The following EPHA3 variants were observed in gnomAD, a reference collection of about 807,000 sequenced individuals.
EPHA3 encodes the protein EPH receptor A3, also known as ephrin type-A receptor 3.
Under a neutral mutation model 107.1 loss-of-function variants are expected in EPHA3, and 42 were observed. That is an observed-to-expected ratio of 0.39 (90% CI 0.31 to 0.51). EPHA3 has a LOEUF of 0.51. Ranked by LOEUF, EPHA3 falls within the 20% of genes least tolerant of loss-of-function variation. The probability of loss-of-function intolerance (pLI) is 0.78; values close to 1 mark genes in which losing one functional copy is unlikely to be tolerated. For missense variants in EPHA3, 1,183 were observed against 1,211.2 expected (o/e 0.98, Z 0.35); for synonymous variants, 461 against 424.8 (o/e 1.09, Z -1.05).
chr3:89,219,703 G>GTTTTTTTTT lies in EPHA3; in HGVS notation c.814+9189_814+9190insTTTTTTTTT, dbSNP rs796857390. 2.1e-3 allele frequency among the ~76,000 whole-genome samples: 56 copies of GTTTTTTTTT among 26,226 alleles called. 3 individuals are homozygous for GTTTTTTTTT. The highest frequency in any genetic ancestry group is 0.01 in the East Asian group (11 of 1,086). The allele number at this position is 26,226 out of a possible 152,430, so 17.2% of individuals were successfully genotyped here. A position where few individuals can be genotyped will look rare whatever the true frequency, so the allele number is the denominator to read the frequency against. On this transcript the variant is annotated intron_variant, in intron 3 of 16. Coordinates refer to ENST00000336596, the MANE Select transcript of EPHA3 (RefSeq NM_005233.6). ...ATTTGGCAATGTTTTTTTTTTTTTT[G>GTTTTTTTTT]TTTTTTGTTTTTTTTTTTTTTTTGA...
chr3:89,359,575 T>C (rs1708042209), intron 5 of EPHA3, among the ~76,000 whole-genome samples: 2 of 150,228 alleles, frequency 1.3e-5, no homozygotes, highest in African/African-American at 4.8e-5. Flanking sequence ...TTTAGCACTG[T>C]ATGATGTTTT....
intron 3 of EPHA3, among the ~76,000 whole-genome samples, chr3:89,236,180 T>C (rs1163872205): frequency 1.3e-5 from 2 of 152,102 alleles, no homozygotes; most frequent in African/African-American, 4.8e-5. Flanking sequence ...TTTAGGAATC[T>C]GTTTGACATT....
At chr3:89,398,332 C>A (rs1576358026) in intron 6 of EPHA3, among the ~76,000 whole-genome samples, 1 of 152,218 alleles carries the variant, frequency 6.6e-6, no homozygotes, top group East Asian at 1.9e-4. Context: ...AAACGTAATT[C>A]TTGATAAATT....
chr3:89,143,868 T>G (rs1255548450), intron 2 of EPHA3, among the ~76,000 whole-genome samples: 2 of 151,650 alleles, frequency 1.3e-5, no homozygotes, highest in Non-Finnish European at 1.5e-5. Context: ...GTCAATAATA[T>G]ATTTTACCAC....
At chr3:89,127,337 A>G in intron 2 of EPHA3, 64 bp downstream of exon 2, 1 of 1,252,922 alleles carries the variant, frequency 8.0e-7, no homozygotes, top group Non-Finnish European at 1.2e-6. Context: ...GAGCAGATGA[A>G]TTTATTGTAT....
chr3:89,217,045 T>A (rs1318212098), intron 3 of EPHA3, among the ~76,000 whole-genome samples: 1 of 152,150 alleles, frequency 6.6e-6, no homozygotes, highest in Non-Finnish European at 1.5e-5. Context: ...CCACCTTTTT[T>A]TCCTGTGATT....
chr3:89,122,565 TA>T (rs369498895), intron 1 of EPHA3, among the ~76,000 whole-genome samples: 5,848 of 152,322 alleles, frequency 0.038, 167 homozygotes, highest in Middle Eastern at 0.075. Context: ...CATTTAATTT[TA>T]AAAACCTTTT....
chr3:89,200,257 G>T (rs1383773132), intron 2 of EPHA3, among the ~76,000 whole-genome samples: 1 of 152,058 alleles, frequency 6.6e-6, no homozygotes, highest in African/African-American at 2.4e-5. Flanking sequence ...TTATATACAC[G>T]TACCTTGTCT....
chr3:89,401,664 A>G (rs1708966447), intron 7 of EPHA3, among the ~76,000 whole-genome samples: 3 of 152,054 alleles, frequency 2.0e-5, no homozygotes, highest in African/African-American at 4.8e-5. Flanking sequence ...ATGGAGTGCA[A>G]TGGCATGATC....
At chr3:89,201,206 C>T (rs1705960436) in intron 2 of EPHA3, among the ~76,000 whole-genome samples, 1 of 152,044 alleles carries the variant, frequency 6.6e-6, no homozygotes, top group Non-Finnish European at 1.5e-5. Flanking sequence ...GGAAGGTTTG[C>T]ACACTTTCAA....
At chr3:89,135,264 G>A (rs1704287536) in intron 2 of EPHA3, among the ~76,000 whole-genome samples, 1 of 152,006 alleles carries the variant, frequency 6.6e-6, no homozygotes, top group African/African-American at 2.4e-5. Context: ...CACCTGATAA[G>A]TTCCTCTACC....
chr3:89,211,743 C>T (rs1294725427), intron 3 of EPHA3, among the ~76,000 whole-genome samples: 1 of 8,030 alleles, frequency 1.2e-4, no homozygotes, highest in African/African-American at 3.3e-4. Flanking sequence ...TCTTCTTCTC[C>T]TTCTTCTTCT....
At chr3:89,173,662 T>G (rs190835586) in intron 2 of EPHA3, among the ~76,000 whole-genome samples, 79 of 152,162 alleles carry the variant, frequency 5.2e-4, no homozygotes, top group Non-Finnish European at 1.0e-3. Flanking sequence ...CAAAACCTGA[T>G]GATGAGCATT....
intron 3 of EPHA3, among the ~76,000 whole-genome samples, chr3:89,217,959 T>C (rs1320144434): frequency 6.6e-6 from 1 of 152,136 alleles, no homozygotes; most frequent in Non-Finnish European, 1.5e-5. Flanking sequence ...AGAGGAAAAT[T>C]TGTATTTCAG....
At chr3:89,427,087 C>T (rs1229455761) in intron 11 of EPHA3, among the ~76,000 whole-genome samples, 1 of 151,770 alleles carries the variant, frequency 6.6e-6, no homozygotes, top group South Asian at 2.1e-4. Flanking sequence ...AGCAATTTTT[C>T]AGATATTACT....
intron 5 of EPHA3, among the ~76,000 whole-genome samples, chr3:89,395,485 T>C (rs962720772): frequency 3.0e-4 from 46 of 152,284 alleles, no homozygotes; most frequent in African/African-American, 1.1e-3. Context: ...AAATAGGTAG[T>C]CCTGATGTTT....
intron 9 of EPHA3, among the ~76,000 whole-genome samples, chr3:89,411,772 C>T (rs573286801): frequency 3.9e-5 from 6 of 151,914 alleles, no homozygotes; most frequent in Non-Finnish European, 7.4e-5. Context: ...AGAAAAACTG[C>T]GGGCATCTGC....
At chr3:89,230,536 A>G (rs1360605690) in intron 3 of EPHA3, among the ~76,000 whole-genome samples, 1 of 152,068 alleles carries the variant, frequency 6.6e-6, no homozygotes, top group Admixed American at 6.6e-5. Context: ...GATGAACACT[A>G]TGGTAACATG....
At chr3:89,414,502 T>G (rs1709211668) in intron 10 of EPHA3, among the ~76,000 whole-genome samples, 1 of 151,676 alleles carries the variant, frequency 6.6e-6, no homozygotes, top group African/African-American at 2.4e-5. Context: ...TCCTGACTTC[T>G]GAACAGCTCC....
Sources: gnomAD v4.1 joint callset for allele counts (sites outside exome capture counted in the v4.1 genomes callset) on GRCh38, gnomAD v4.1.1 for gene constraint, MANE v1.5 for transcripts, NCBI Gene and HGNC (gene_info 2026-07-23, HGNC 2026-07-21) for gene names.